TMEM272: variants seen among roughly 807,000 people sequenced by gnomAD.
The protein encoded by TMEM272 is transmembrane protein 272, also known as long intergenic non-protein coding RNA 282.
Under a neutral mutation model 3.7 loss-of-function variants are expected in TMEM272, and 8 were observed. That is an observed-to-expected ratio of 2.17 (90% CI 1.27 to 3.91). The LOEUF is 3.91. Among genes scored for constraint, TMEM272 ranks in the 30% most tolerant of loss-of-function variants. TMEM272 has a pLI of 0.00. For synonymous variants in TMEM272, 63 were observed against 39.8 expected, an observed-to-expected ratio of 1.58 and a Z score of -2.20; for missense variants, 166 against 91.5, an observed-to-expected ratio of 1.81 and a Z score of -3.32.
intron 3 of TMEM272, among the ~76,000 whole-genome samples, chr13:51,824,801 A>C (rs140068193): frequency 0.11 from 16,622 of 152,206 alleles, 1,016 homozygotes; most frequent in Middle Eastern, 0.16. Flanking sequence ...AAAAATATAT[A>C]AATTAGCCAG....
Position 51,822,090 on chromosome 13 carries a change from A to G in TMEM272, c.166T>C (p.Tyr56His). ...DCPIQPLIPL[Y>H]LLVGGIVGTL... ...CCGACGATGCCACCCACTAGCAAAT[A>G]TAAAGGAATGAGGGGCTGTATAGGG... The change falls in exon 4 of 5, where the codon TAT (tyrosine) becomes CAT (histidine). Residue 56 changes from tyrosine to histidine, a missense_variant. Tyr to His is a moderately conservative substitution (Grantham distance 83, BLOSUM62 2). Transcript: ENST00000629372. 1 of 702,552 alleles carries G rather than the reference A, an allele frequency of 1.4e-6. No homozygotes were observed. Among genetic ancestry groups the G allele is most frequent in the East Asian group, 2.7e-5 (1 of 37,286 alleles). 43.5% of individuals were successfully genotyped at this position (702,552 alleles called of 1,614,324 possible). A position where few individuals can be genotyped will look rare whatever the true frequency, so the allele number is the denominator to read the frequency against.
chr13:51,833,695 G>A (rs1408610643), intron 2 of TMEM272, among the ~76,000 whole-genome samples: 1 of 152,220 alleles, frequency 6.6e-6, no homozygotes, highest in Non-Finnish European at 1.5e-5. Flanking sequence ...CCAGGGGAAT[G>A]AACTGGAGTA....
At chr13:51,832,335 G>C (rs1956180190) in intron 2 of TMEM272, among the ~76,000 whole-genome samples, 1 of 152,116 alleles carries the variant, frequency 6.6e-6, no homozygotes, top group Non-Finnish European at 1.5e-5. Flanking sequence ...GGTAGCTTTT[G>C]GTCTGTTCTC....
the TMEM272 span, among the ~76,000 whole-genome samples, chr13:51,916,009 G>A: frequency 6.6e-6 from 1 of 152,092 alleles, no homozygotes; most frequent in Non-Finnish European, 1.5e-5. Context: ...GGAGGCGGAG[G>A]TTGCAGTGAG....
At chr13:51,910,205 A>C in the TMEM272 span, 1 of 1,189,488 alleles carries the variant, frequency 8.4e-7, no homozygotes, top group Non-Finnish European at 1.3e-6. Context: ...GCTCCAGTTC[A>C]GAATTGGACC....
the TMEM272 span, among the ~76,000 whole-genome samples, chr13:51,928,898 C>G: frequency 2.6e-5 from 4 of 152,120 alleles, no homozygotes; most frequent in South Asian, 8.3e-4. Context: ...AATGTTCAAG[C>G]CTTAAAAAAA....
upstream of TMEM272, among the ~76,000 whole-genome samples, chr13:51,848,191 G>T (rs899139454): frequency 6.6e-6 from 1 of 152,194 alleles, no homozygotes; most frequent in Admixed American, 6.5e-5. Context: ...AGTGGAAGCA[G>T]TTGCTAACCC....
chr13:51,895,150 A>C, the TMEM272 span, among the ~76,000 whole-genome samples: 2 of 152,126 alleles, frequency 1.3e-5, no homozygotes, highest in African/African-American at 2.4e-5. Context: ...TGTGTGGCCC[A>C]GTTCCTAACA....
chr13:51,840,518 G>A (rs1956252149), intron 1 of TMEM272, among the ~76,000 whole-genome samples: 1 of 152,142 alleles, frequency 6.6e-6, no homozygotes. Context: ...GTGAGATGAT[G>A]GGACACAGAG....
At chr13:51,903,942 C>CGTGT in the TMEM272 span, among the ~76,000 whole-genome samples, 1,864 of 136,648 alleles carry the variant, frequency 0.014, 42 homozygotes, top group African/African-American at 0.047. Flanking sequence ...CAGTCTTCCA[C>CGTGT]GTGTGTGTGT....
chr13:51,828,542 A>C (rs547436208), intron 2 of TMEM272, among the ~76,000 whole-genome samples: 2 of 151,006 alleles, frequency 1.3e-5, no homozygotes, highest in Admixed American at 6.6e-5. Flanking sequence ...CCCAATTTCC[A>C]CTCCTCCCCT....
the TMEM272 span, among the ~76,000 whole-genome samples, chr13:51,879,198 A>T: frequency 1.3e-5 from 2 of 152,170 alleles, no homozygotes; most frequent in African/African-American, 4.8e-5. Context: ...AGAACAAAAC[A>T]CACTTGCAGA....
chr13:51,930,088 C>T, the TMEM272 span, among the ~76,000 whole-genome samples: 1 of 151,862 alleles, frequency 6.6e-6, no homozygotes, highest in Non-Finnish European at 1.5e-5. Context: ...GTCATGTTCA[C>T]TGGCTTTCCT....
the TMEM272 span, chr13:51,909,093 C>G: frequency 6.8e-7 from 1 of 1,472,450 alleles, no homozygotes; most frequent in Admixed American, 1.7e-5. Context: ...ATGCTCTCTG[C>G]CAAATGCTGT....
the TMEM272 span, among the ~76,000 whole-genome samples, chr13:51,907,407 G>C: frequency 2.6e-5 from 4 of 152,068 alleles, no homozygotes; most frequent in Non-Finnish European, 5.9e-5. Flanking sequence ...AAACTAACCA[G>C]TCGAGAGCTC....
chr13:51,863,629 G>A, the TMEM272 span, among the ~76,000 whole-genome samples: 2 of 151,134 alleles, frequency 1.3e-5, no homozygotes, highest in East Asian at 1.9e-4. Flanking sequence ...GCCACCAGCT[G>A]TCCACAGCCT....
At chr13:51,860,704 AAAGT>A in the TMEM272 span, among the ~76,000 whole-genome samples, 1 of 140,236 alleles carries the variant, frequency 7.1e-6, no homozygotes, top group Non-Finnish European at 1.5e-5. Flanking sequence ...AAGAGACAGA[AAAGT>A]ATGTGTGCAT....
chr13:51,894,507 CGAT>C, the TMEM272 span, among the ~76,000 whole-genome samples: 15 of 152,104 alleles, frequency 9.9e-5, no homozygotes, highest in Non-Finnish European at 2.2e-4. Flanking sequence ...GGGGATGAGG[CGAT>C]GGTGGTTGGC....
At chr13:51,846,796 T>C (rs1956308924), upstream of TMEM272, among the ~76,000 whole-genome samples, 2 of 152,344 alleles carry the variant, frequency 1.3e-5, no homozygotes, top group South Asian at 4.1e-4. Flanking sequence ...TGGGCTAATG[T>C]ATGAGTCAAA....
Sources: gnomAD v4.1 joint callset for allele counts (sites outside exome capture counted in the v4.1 genomes callset) on GRCh38, gnomAD v4.1.1 for gene constraint, MANE v1.5 for transcripts, NCBI Gene and HGNC (gene_info 2026-07-23, HGNC 2026-07-21) for gene names.